ZNF584: variants seen among roughly 807,000 people sequenced by gnomAD.
ZNF584 encodes the protein zinc finger protein 584.
ZNF584 carries 12 observed loss-of-function variants against 14.7 expected under a neutral mutation model. That is an observed-to-expected ratio of 0.82 (90% CI 0.52 to 1.32). ZNF584 has a LOEUF of 1.32. Among genes scored for constraint, ZNF584 ranks in the 40% most tolerant of loss-of-function variants. The pLI, the probability that ZNF584 is intolerant of heterozygous loss-of-function variation, is 0.00. For synonymous variants in ZNF584, 204 were observed against 190.9 expected, an observed-to-expected ratio of 1.07 and a Z score of -0.57; for missense variants, 478 against 518.8, an observed-to-expected ratio of 0.92 and a Z score of 0.76.
chr19:58,403,958 C>CAAAA (rs35295910), upstream of ZNF584, among the ~76,000 whole-genome samples: 164 of 80,048 alleles, frequency 2.0e-3, 1 homozygote, highest in African/African-American at 6.2e-3. Context: ...AACTCCGTCT[C>CAAAA]AAAAAAAAAA....
At chr19:58,409,443 C>CA (rs1380011719) in intron 1 of ZNF584, among the ~76,000 whole-genome samples, 3 of 152,130 alleles carry the variant, frequency 2.0e-5, no homozygotes, top group African/African-American at 4.8e-5. Flanking sequence ...AAACTGGGGA[C>CA]GTTGTGCTGG....
At chr19:58,410,715 GTA>G (rs377319812) in intron 2 of ZNF584, among the ~76,000 whole-genome samples, 513 of 43,332 alleles carry the variant, frequency 0.012, 58 homozygotes, top group African/African-American at 0.045. Context: ...GTATATATGT[GTA>G]TATATATATG....
chr19:58,409,845 G>C (rs1040413091), intron 1 of ZNF584, 96 bp from the exon 2 acceptor site: 21 of 1,421,188 alleles, frequency 1.5e-5, no homozygotes, highest in Middle Eastern at 1.8e-4. Flanking sequence ...ATGTCAGGGG[G>C]AGATGTGATA....
intron 3 of ZNF584, 52 bp from the exon 4 acceptor site, chr19:58,416,759 G>A: frequency 1.3e-6 from 2 of 1,514,608 alleles, no homozygotes; most frequent in Non-Finnish European, 8.8e-7. Context: ...GGTGATTAAG[G>A]TACCTCCTCC....
chr19:58,410,585 A>ATATATATGTG (rs2052544067), intron 2 of ZNF584, among the ~76,000 whole-genome samples: 2 of 26,252 alleles, frequency 7.6e-5, no homozygotes, highest in African/African-American at 7.1e-4. Context: ...ATATATATGT[A>ATATATATGTG]TATATATGTA....
chr19:58,417,229 A>G lies in ZNF584; in HGVS notation c.711A>G (p.Thr237=), dbSNP rs2052655442. ...TGAGGAAACACCAGAAGGTTCACACAGGCATAAAACCTTTTAAGTGTAGTG... is the reference window on the plus strand; with the variant it reads ...TGAGGAAACACCAGAAGGTTCACACGGGCATAAAACCTTTTAAGTGTAGTG... ...SKLRKHQKVH[T]GIKPFKCSDC... is the part of the protein sequence containing the mutation. Residue 237 remains threonine (T), a synonymous_variant, in exon 4 of 4, where the codon ACA becomes ACG. Transcript: ENST00000306910. The G allele has an allele frequency of 6.2e-7, 1 of 1,614,174 alleles. No homozygotes were observed. Among genetic ancestry groups the G allele is most frequent in the Non-Finnish European group, 8.5e-7 (1 of 1,180,020 alleles).
In ZNF584 at chr19:58,410,643, A is replaced by G. The variant is rs187993821; in HGVS notation, c.169+552A>G. ...TATATGTGTATATATGTGTATATAT[A>G]TGTGTATATATGTGTATATATGTAT... On this transcript the variant is annotated intron_variant, in intron 2 of 3. Coordinates refer to ENST00000306910, the MANE Select transcript of ZNF584 (RefSeq NM_173548.3). 4.4e-4 allele frequency among the ~76,000 whole-genome samples: 13 copies of G among 29,320 alleles called. 1 individual carries two copies. The highest frequency in any genetic ancestry group is 2.0e-3 in the African/African-American group (5 of 2,502). 19.2% of individuals were successfully genotyped at this position (29,320 alleles called of 152,430 possible). A position where few individuals can be genotyped will look rare whatever the true frequency, so the allele number is the denominator to read the frequency against.
chr19:58,403,149 TATG>T (rs1297182066), intron 1 of ZNF584, among the ~76,000 whole-genome samples: 1 of 152,236 alleles, frequency 6.6e-6, no homozygotes, highest in Non-Finnish European at 1.5e-5. Context: ...AGTCTTACCA[TATG>T]ATACAGCAAT....
At chr19:58,413,369 G>C (rs748378608) in intron 2 of ZNF584, among the ~76,000 whole-genome samples, 3 of 148,208 alleles carry the variant, frequency 2.0e-5, no homozygotes, top group Non-Finnish European at 4.5e-5. Flanking sequence ...TTTTCTTTTT[G>C]AGATGGAGTC....
chr19:58,409,629 C>T (rs1360009601), intron 1 of ZNF584, among the ~76,000 whole-genome samples: 1 of 152,106 alleles, frequency 6.6e-6, no homozygotes, highest in African/African-American at 2.4e-5. Context: ...TAGAGTGGAG[C>T]CTGTGCCCTT....
At chr19:58,410,540 T>TTTTTTTTTTTTTTTTTTTTTTTTTTGAG (rs1568584319) in intron 2 of ZNF584, among the ~76,000 whole-genome samples, 1 of 24,072 alleles carries the variant, frequency 4.2e-5, no homozygotes, top group African/African-American at 2.4e-4. Context: ...TATATATATA[T>TTTTTTTTTTTTTTTTTTTTTTTTTTGAG]ATATATATAT....
At chr19:58,410,448 C>CA (rs1176831156) in intron 2 of ZNF584, among the ~76,000 whole-genome samples, 1 of 147,278 alleles carries the variant, frequency 6.8e-6, no homozygotes, top group Non-Finnish European at 1.5e-5. Flanking sequence ...TGCCTCCCTA[C>CA]AAAAGAAATT....
At position 58,409,072 on chromosome 19, in the gene ZNF584, C is replaced by T; in HGVS notation, c.-76C>T. 4 of 1,452,396 alleles carry T rather than the reference C, an allele frequency of 2.8e-6. No individual in the cohort carries two copies. Among genetic ancestry groups the T allele is most frequent in the Non-Finnish European group, 2.7e-6 (3 of 1,091,382 alleles). 90.0% of individuals were successfully genotyped at this position (1,452,396 alleles called of 1,614,324 possible). A position where few individuals can be genotyped will look rare whatever the true frequency, so the allele number is the denominator to read the frequency against. ...GCTTCCCGGGAAGGTTCCACGGCGG[C>T]CGAGGGTTTCCGCGCCCGGGACGCG... On this transcript the variant is annotated 5_prime_UTR_variant, in exon 1 of 4. Coordinates refer to ENST00000306910, the MANE Select transcript of ZNF584 (RefSeq NM_173548.3).
chr19:58,407,680 C>T (rs1419084439), upstream of ZNF584, among the ~76,000 whole-genome samples: 1 of 152,220 alleles, frequency 6.6e-6, no homozygotes, highest in Admixed American at 6.5e-5. Context: ...CAAAGTTCTC[C>T]AGCACCACTT....
chr19:58,415,916 G>C, intron 3 of ZNF584: 1 of 1,598,906 alleles, frequency 6.3e-7, no homozygotes, highest in Non-Finnish European at 8.5e-7. Flanking sequence ...TGCGTGTCTT[G>C]AAATGTGCAC....
upstream of ZNF584, chr19:58,408,398 G>A: frequency 6.6e-6 from 1 of 152,292 alleles, no homozygotes. Flanking sequence ...CGATTCTCGC[G>A]CCTTCGTTCG....
intron 2 of ZNF584, among the ~76,000 whole-genome samples, chr19:58,410,593 G>GTGTA (rs1462908187): frequency 3.0e-5 from 1 of 32,912 alleles, no homozygotes; most frequent in South Asian, 6.9e-4. Context: ...GTATATATAT[G>GTGTA]TATATATATG....
chr19:58,409,893 A>C (rs764945900), intron 1 of ZNF584, 48 bp from the exon 2 acceptor site: 1 of 1,612,860 alleles, frequency 6.2e-7, no homozygotes, highest in Non-Finnish European at 8.5e-7. Flanking sequence ...GAATGTGTCC[A>C]TCTGTCCATA....
intron 2 of ZNF584, among the ~76,000 whole-genome samples, chr19:58,412,218 T>TTTTTTTG: frequency 7.3e-6 from 1 of 137,752 alleles, no homozygotes; most frequent in African/African-American, 3.1e-5. Context: ...TTTTTTTTTT[T>TTTTTTTG]TTGAGACGGA....
Sources: gnomAD v4.1 joint callset for allele counts (sites outside exome capture counted in the v4.1 genomes callset) on GRCh38, gnomAD v4.1.1 for gene constraint, MANE v1.5 for transcripts, NCBI Gene and HGNC (gene_info 2026-07-23, HGNC 2026-07-21) for gene names.